Variants in MEMO1 observed in about 807,000 individuals in gnomAD.
MEMO1 encodes protein MEMO1.
A neutral mutation model predicts 45.2 loss-of-function variants in MEMO1; 6 were observed. The observed-to-expected ratio is 0.13, with a 90% CI of 0.07 to 0.26. MEMO1 has a LOEUF of 0.26. MEMO1 is among the 10% of genes least tolerant of loss of function. The pLI is 1.00. For synonymous variants in MEMO1, 78 were observed against 124.3 expected, an observed-to-expected ratio of 0.63 and a Z score of 2.48; for missense variants, 184 against 370.5, an observed-to-expected ratio of 0.50 and a Z score of 4.13.
chr2:31,932,353 A>AT (rs1320043397), intron 3 of MEMO1, among the ~76,000 whole-genome samples: 5 of 151,298 alleles, frequency 3.3e-5, no homozygotes, highest in East Asian at 1.9e-4. Context: ...ATACTTTGTA[A>AT]TTTTTTTTTG....
intron 2 of MEMO1, among the ~76,000 whole-genome samples, chr2:31,966,524 A>G (rs1668629668): frequency 6.6e-6 from 1 of 152,166 alleles, no homozygotes. Flanking sequence ...TGAGGTCAGG[A>G]GTTCAAGACC....
chr2:31,897,368 CTTATTA>C (rs1448418278), intron 6 of MEMO1, among the ~76,000 whole-genome samples: 1 of 152,134 alleles, frequency 6.6e-6, no homozygotes, highest in Non-Finnish European at 1.5e-5. Flanking sequence ...ATAAATAGCT[CTTATTA>C]TTATGAGATA....
intron 2 of MEMO1, among the ~76,000 whole-genome samples, chr2:31,988,118 A>G (rs185445445): frequency 4.7e-4 from 72 of 152,278 alleles, no homozygotes; most frequent in Admixed American, 2.0e-3. Context: ...AACTGCCAAG[A>G]AAGAAGTAAG....
At chr2:31,973,645 T>C (rs777640561) in intron 2 of MEMO1, among the ~76,000 whole-genome samples, 9 of 152,110 alleles carry the variant, frequency 5.9e-5, no homozygotes, top group Non-Finnish European at 1.2e-4. Context: ...TAAAAAAGAA[T>C]GAAGTACTGA....
chr2:31,918,024 C>A lies in MEMO1; in HGVS notation c.339G>T (p.Leu113=), dbSNP rs770349146. 6.2e-7 allele frequency: 1 copy of A among 1,609,834 alleles called. No homozygotes were observed. Among genetic ancestry groups the A allele is most frequent in the South Asian group, 1.1e-5 (1 of 90,680 alleles). The change falls in exon 6 of 10, where the codon CTG becomes CTT. Residue 113 remains leucine, a synonymous_variant. Transcript: ENST00000404530. The part of the protein sequence containing the change: ...LRIDQKIYGE[L]WKTGMFERMS... ...TGCGTTCAAACATTCCTGTCTTCCA[C>A]AGTTCTCCGTAAACTAAAGAGATTT...
At chr2:31,890,324 T>C (rs895262712) in intron 7 of MEMO1, among the ~76,000 whole-genome samples, 1 of 152,122 alleles carries the variant, frequency 6.6e-6, no homozygotes, top group African/African-American at 2.4e-5. Flanking sequence ...GTGGGACACT[T>C]GCTTCAAGAA....
At chr2:31,870,300 T>A (rs1048216324) in intron 8 of MEMO1, among the ~76,000 whole-genome samples, 1 of 152,132 alleles carries the variant, frequency 6.6e-6, no homozygotes. Flanking sequence ...CAAAAGTAAA[T>A]CTGCTGTGAA....
chr2:31,911,303 GGAC>G (rs1680535108), intron 6 of MEMO1, among the ~76,000 whole-genome samples: 1 of 152,126 alleles, frequency 6.6e-6, no homozygotes, highest in Non-Finnish European at 1.5e-5. Flanking sequence ...CCCAACTGTA[GGAC>G]ATTCAAGAAA....
intron 8 of MEMO1, among the ~76,000 whole-genome samples, chr2:31,882,329 A>G (rs771611556): frequency 2.6e-5 from 4 of 152,162 alleles, no homozygotes; most frequent in Non-Finnish European, 4.4e-5. Context: ...AAAAAAAGGA[A>G]AAAAGAAATA....
At chr2:31,876,525 C>G (rs13005816) in intron 8 of MEMO1, among the ~76,000 whole-genome samples, 7 of 152,150 alleles carry the variant, frequency 4.6e-5, no homozygotes, top group African/African-American at 1.4e-4. Flanking sequence ...ACCATGTTTG[C>G]TTACTGCTGT....
intron 5 of MEMO1, among the ~76,000 whole-genome samples, chr2:31,918,352 C>T (rs1681775629): frequency 6.6e-6 from 1 of 152,128 alleles, no homozygotes; most frequent in South Asian, 2.1e-4. Flanking sequence ...TTCATCAGCT[C>T]CTTTCATTAT....
intron 3 of MEMO1, among the ~76,000 whole-genome samples, chr2:31,933,052 C>T (rs1664374665): frequency 6.6e-6 from 1 of 151,750 alleles, no homozygotes; most frequent in Admixed American, 6.6e-5. Context: ...AAGTGAACTA[C>T]TGACACTCAA....
intron 2 of MEMO1, among the ~76,000 whole-genome samples, chr2:31,967,176 T>G (rs1668733538): frequency 1.3e-5 from 2 of 150,470 alleles, no homozygotes; most frequent in Admixed American, 6.7e-5. Context: ...CAGGCTGGAG[T>G]GCAGCGGCGC....
At chr2:31,873,078 A>AAT (rs1410478687) in intron 8 of MEMO1, among the ~76,000 whole-genome samples, 2 of 152,302 alleles carry the variant, frequency 1.3e-5, no homozygotes, top group South Asian at 2.1e-4. Flanking sequence ...GATGAAAAAG[A>AAT]ATATCCTTCC....
intron 2 of MEMO1, among the ~76,000 whole-genome samples, chr2:31,946,743 G>A (rs1310142809): frequency 3.9e-5 from 6 of 152,032 alleles, no homozygotes; most frequent in African/African-American, 1.4e-4. Flanking sequence ...CACGCCTGCA[G>A]TCCCAGCTAC....
chr2:31,908,137 T>C (rs1230500768), intron 6 of MEMO1, among the ~76,000 whole-genome samples: 1 of 152,192 alleles, frequency 6.6e-6, no homozygotes, highest in Non-Finnish European at 1.5e-5. Flanking sequence ...TAGAGGAGTT[T>C]TCTTTAAAAA....
At chr2:31,995,076 A>T (rs569883910) in intron 2 of MEMO1, among the ~76,000 whole-genome samples, 77 of 152,078 alleles carry the variant, frequency 5.1e-4, no homozygotes, top group Admixed American at 1.7e-3. Flanking sequence ...CTATACCCAG[A>T]CCCAGAAATT....
chr2:31,933,435 T>C lies in MEMO1; in HGVS notation c.144-1300A>G, dbSNP rs564471353. Among the ~76,000 whole-genome samples, 3 of 136,542 alleles carry C rather than the reference T, an allele frequency of 2.2e-5. 1 individual carries two copies. In the South Asian group the frequency reaches 7.0e-4, roughly 32 times the overall value. 89.6% of individuals were successfully genotyped at this position (136,542 alleles called of 152,430 possible). A position where few individuals can be genotyped will look rare whatever the true frequency, so the allele number is the denominator to read the frequency against. ...GTACAGGTACAGAAAGGAAGAATTA[T>C]AAGCGAACACAAGGAAACTTTTGAG... On this transcript the variant is annotated intron_variant, in intron 3 of 9. Transcript: ENST00000404530.
chr2:31,917,745 T>C (rs1482091899), intron 6 of MEMO1, among the ~76,000 whole-genome samples, 181 bp downstream of exon 6: 3 of 152,234 alleles, frequency 2.0e-5, no homozygotes, highest in South Asian at 2.1e-4. Flanking sequence ...AATTCGTATG[T>C]TCAGCCTTCA....
Sources: allele counts gnomAD v4.1 joint callset (sites outside exome capture counted in the v4.1 genomes callset), GRCh38; gene constraint gnomAD v4.1.1; transcripts MANE v1.5; gene names NCBI Gene and HGNC (gene_info 2026-07-23, HGNC 2026-07-21).